Variants in UBE2V1 observed in about 807,000 individuals in gnomAD.
The protein encoded by UBE2V1 is ubiquitin-conjugating enzyme E2 variant 1.
A neutral mutation model predicts 19.6 loss-of-function variants in UBE2V1; 15 were observed. That is an observed-to-expected ratio of 0.77 (90% confidence interval 0.51 to 1.18). UBE2V1 has a LOEUF of 1.18. UBE2V1 is among the 50% of genes most tolerant of loss of function. The pLI is 0.00. For synonymous variants in UBE2V1, 60 were observed against 60.7 expected, an observed-to-expected ratio of 0.99 and a Z score of 0.05; for missense variants, 125 against 184.8, an observed-to-expected ratio of 0.68 and a Z score of 1.88.
intron 3 of UBE2V1, among the ~76,000 whole-genome samples, chr20:50,083,509 G>C (rs2078735933): frequency 1.3e-5 from 2 of 152,230 alleles, no homozygotes; most frequent in African/African-American, 4.8e-5. Flanking sequence ...AGTCTTCTGA[G>C]TATCTCAAAG....
At chr20:50,088,242 T>C (rs149936448) in intron 2 of UBE2V1, among the ~76,000 whole-genome samples, 1 of 152,024 alleles carries the variant, frequency 6.6e-6, no homozygotes, top group East Asian at 1.9e-4. Context: ...AGAGATATGA[T>C]GACTAAGTGT....
In UBE2V1 at chr20:50,104,481, C is replaced by A. The variant is rs1364238528; in HGVS notation, c.23-7661G>T. 2.4e-5 allele frequency: 9 copies of A among 380,484 alleles called. No individual in the cohort carries two copies. The East Asian group carries it at 8.5e-4, about 36-fold the overall frequency. 23.6% of individuals were successfully genotyped at this position (380,484 alleles called of 1,614,324 possible). ...GACCATCCTGGCTAACACGGTGAAA[C>A]CCCGTCTCTACTAAAAATACAAAAA... On this transcript the variant is annotated intron_variant, in intron 1 of 3. Coordinates refer to ENST00000371674, the MANE Select transcript of UBE2V1 (RefSeq NM_001032288.3).
At chr20:50,103,959 C>T (rs959498454) in intron 1 of UBE2V1, among the ~76,000 whole-genome samples, 3 of 149,880 alleles carry the variant, frequency 2.0e-5, no homozygotes, top group African/African-American at 7.5e-5. Context: ...TAATGATACT[C>T]AATATCAATA....
rs151274182 is a variant in UBE2V1 at position 50,092,928 on chromosome 20, C to G, written c.171+3744G>C. Among the ~76,000 whole-genome samples, 481 of 152,298 alleles carry G rather than the reference C, an allele frequency of 3.2e-3. 1 individual carries two copies. Among genetic ancestry groups the G allele is most frequent in the Non-Finnish European group, 5.5e-3 (373 of 68,024 alleles). ...GTCAGCAGCTTCTTTCCCATTCCTCCAGAGGTATTCTAAGCACACAGAAGC... is the reference window on the plus strand; with the variant it reads ...GTCAGCAGCTTCTTTCCCATTCCTCGAGAGGTATTCTAAGCACACAGAAGC... On this transcript the variant is annotated intron_variant, in intron 2 of 3. Coordinates refer to ENST00000371674, the MANE Select transcript of UBE2V1 (RefSeq NM_001032288.3).
At chr20:50,113,837 T>A (rs886394204), upstream of UBE2V1, among the ~76,000 whole-genome samples, 2 of 152,130 alleles carry the variant, frequency 1.3e-5, no homozygotes, top group Non-Finnish European at 2.9e-5. Context: ...ATTAAGCACC[T>A]ACTATGTACC....
chr20:50,094,551 A>C (rs2079510903), intron 2 of UBE2V1, among the ~76,000 whole-genome samples: 1 of 152,112 alleles, frequency 6.6e-6, no homozygotes, highest in African/African-American at 2.4e-5. Flanking sequence ...CCATAAGAAG[A>C]ATAAAAGTAT....
At chr20:50,111,527 C>A in intron 1 of UBE2V1, 1 of 1,000,258 alleles carries the variant, frequency 1.0e-6, no homozygotes, top group Non-Finnish European at 1.2e-6. Flanking sequence ...CCTGGGGCAG[C>A]GTCATGGTAA....
At chr20:50,083,101 C>T (rs1397549018) in intron 3 of UBE2V1, among the ~76,000 whole-genome samples, 187 bp from the exon 4 acceptor site, 1 of 152,228 alleles carries the variant, frequency 6.6e-6, no homozygotes, top group East Asian at 1.9e-4. Context: ...GCCTGCCTTT[C>T]CCTTTTGTGC....
intron 1 of UBE2V1, among the ~76,000 whole-genome samples, chr20:50,110,571 C>T (rs991595027): frequency 1.3e-5 from 2 of 152,150 alleles, no homozygotes; most frequent in Non-Finnish European, 2.9e-5. Context: ...TTAGTTTACC[C>T]CAAGTAAGGT....
In UBE2V1 at chr20:50,102,979, C is replaced by T. The variant is rs16995087; in HGVS notation, c.23-6159G>A. 6.1e-3 allele frequency among the ~76,000 whole-genome samples: 929 copies of T among 152,318 alleles called. 7 individuals are homozygous for T. Among genetic ancestry groups the T allele is most frequent in the African/African-American group, 0.021 (880 of 41,572 alleles). On this transcript the variant is annotated intron_variant, in intron 1 of 3. Transcript: ENST00000371674. ...AGAGCTGTGAATGGCTGACTGGTTC[C>T]CTTGTCCTCAACCAAGGGTCTAACT...
intron 1 of UBE2V1, among the ~76,000 whole-genome samples, chr20:50,097,505 G>C (rs1235613943): frequency 1.3e-5 from 2 of 152,192 alleles, no homozygotes; most frequent in Non-Finnish European, 2.9e-5. Flanking sequence ...ACCGGGTTCA[G>C]GCTGAGGCTT....
At chr20:50,107,574 C>A (rs992589163) in intron 1 of UBE2V1, among the ~76,000 whole-genome samples, 1 of 152,182 alleles carries the variant, frequency 6.6e-6, no homozygotes, top group Non-Finnish European at 1.5e-5. Flanking sequence ...ATAAATACCA[C>A]CAAATAAGGA....
At chr20:50,100,022 A>T (rs893871911) in intron 1 of UBE2V1, among the ~76,000 whole-genome samples, 6 of 150,476 alleles carry the variant, frequency 4.0e-5, no homozygotes, top group Admixed American at 3.3e-4. Context: ...CACTTGAGCC[A>T]GGAAGGCGGA....
chr20:50,105,931 CAAAAAACA>C (rs771046604), intron 1 of UBE2V1, among the ~76,000 whole-genome samples: 43 of 150,976 alleles, frequency 2.8e-4, no homozygotes, highest in East Asian at 5.8e-4. Context: ...TCAAAAAAAA[CAAAAAACA>C]AAAAAACAAA....
intron 1 of UBE2V1, among the ~76,000 whole-genome samples, chr20:50,106,140 T>C (rs2080343440): frequency 6.6e-6 from 1 of 152,096 alleles, no homozygotes; most frequent in African/African-American, 2.4e-5. Context: ...GGTGCTAAAA[T>C]ATCACAGTAA....
chr20:50,086,560 CAT>C (rs1264168703), intron 2 of UBE2V1, among the ~76,000 whole-genome samples: 1 of 152,146 alleles, frequency 6.6e-6, no homozygotes, highest in Non-Finnish European at 1.5e-5. Context: ...CAGAACCTAT[CAT>C]AGTCTCCATC....
intron 2 of UBE2V1, among the ~76,000 whole-genome samples, chr20:50,084,946 G>A (rs2078830621): frequency 6.9e-6 from 1 of 145,066 alleles, no homozygotes; most frequent in Non-Finnish European, 1.5e-5. Flanking sequence ...GCCCAGGCTG[G>A]AGTGCAATGG....
At chr20:50,088,586 G>C (rs977043001) in intron 2 of UBE2V1, among the ~76,000 whole-genome samples, 3 of 152,132 alleles carry the variant, frequency 2.0e-5, no homozygotes, top group Non-Finnish European at 2.9e-5. Flanking sequence ...AGGAGTTCAA[G>C]ACCAGCCTGG....
chr20:50,105,271 C>T (rs1448198250), intron 1 of UBE2V1, among the ~76,000 whole-genome samples: 2 of 152,298 alleles, frequency 1.3e-5, no homozygotes, highest in East Asian at 3.9e-4. Context: ...GGCCTAATCA[C>T]ACCCTAGTTA....
Sources: gnomAD v4.1 joint callset for allele counts (sites outside exome capture counted in the v4.1 genomes callset) on GRCh38, gnomAD v4.1.1 for gene constraint, MANE v1.5 for transcripts, NCBI Gene and HGNC (gene_info 2026-07-23, HGNC 2026-07-21) for gene names.